Variants in TCF12 observed in about 807,000 individuals in gnomAD.
The protein encoded by TCF12 is DNA-binding protein HTF4.
Under a neutral mutation model 86.0 loss-of-function variants are expected in TCF12, and 45 were observed. That is an observed-to-expected ratio of 0.52 (90% CI 0.41 to 0.67). The LOEUF is 0.67. Among genes scored for constraint, TCF12 ranks in the 30% least tolerant of loss-of-function variants. TCF12 has a pLI of 0.00. For missense variants in TCF12, 881 were observed against 859.9 expected, an observed-to-expected ratio of 1.02 and a Z score of -0.31; for synonymous variants, 330 against 299.6, an observed-to-expected ratio of 1.10 and a Z score of -1.05.
At chr15:57,014,644 A>G (rs563469475) in intron 3 of TCF12, among the ~76,000 whole-genome samples, 4 of 152,258 alleles carry the variant, frequency 2.6e-5, no homozygotes, top group Non-Finnish European at 4.4e-5. Flanking sequence ...GCCACAGGCC[A>G]GCCTGCTAGG....
chr15:57,045,482 C>T (rs2067172301), intron 3 of TCF12, among the ~76,000 whole-genome samples: 2 of 152,036 alleles, frequency 1.3e-5, no homozygotes, highest in African/African-American at 2.4e-5. Context: ...GTAATATCTT[C>T]TGTATCACTT....
At chr15:57,123,524 CTTTTTTT>C (rs1596651224) in intron 5 of TCF12, among the ~76,000 whole-genome samples, 1 of 144,128 alleles carries the variant, frequency 6.9e-6, no homozygotes, top group African/African-American at 2.5e-5. Flanking sequence ...TTTTTTTTTT[CTTTTTTT>C]AAGACAGGAT....
chr15:57,064,157 C>T (rs2068671707), intron 4 of TCF12, among the ~76,000 whole-genome samples: 1 of 152,128 alleles, frequency 6.6e-6, no homozygotes, highest in Non-Finnish European at 1.5e-5. Context: ...ATGGCATTGG[C>T]TTTCAACATA....
At chr15:56,951,425 C>T (rs1480299085) in intron 3 of TCF12, among the ~76,000 whole-genome samples, 1 of 151,800 alleles carries the variant, frequency 6.6e-6, no homozygotes, top group African/African-American at 2.4e-5. Flanking sequence ...TTTGAGATTT[C>T]TTTATGTATT....
chr15:56,964,126 T>C (rs1418621398), intron 3 of TCF12, among the ~76,000 whole-genome samples: 1 of 152,206 alleles, frequency 6.6e-6, no homozygotes, highest in African/African-American at 2.4e-5. Flanking sequence ...GAACTTTTAT[T>C]TGTATGAGGT....
chr15:57,252,116 G>A (rs1221701636), intron 14 of TCF12: 2 of 262,050 alleles, frequency 7.6e-6, no homozygotes, highest in Admixed American at 5.2e-5. Flanking sequence ...GCTCTTATTC[G>A]TAATTCCAGG....
At chr15:57,180,995 T>A (rs1394174589) in intron 6 of TCF12, among the ~76,000 whole-genome samples, 1 of 151,658 alleles carries the variant, frequency 6.6e-6, no homozygotes, top group African/African-American at 2.4e-5. Context: ...TTTGTATTTT[T>A]AGTGGAGACA....
intron 8 of TCF12, among the ~76,000 whole-genome samples, chr15:57,220,744 T>C (rs1472027051): frequency 6.6e-6 from 1 of 152,138 alleles, no homozygotes; most frequent in Admixed American, 6.5e-5. Flanking sequence ...GAGCTATCTT[T>C]GTAAGATACT....
At chr15:57,251,079 A>T (rs1391308908) in intron 13 of TCF12, 2 of 335,288 alleles carry the variant, frequency 6.0e-6, no homozygotes, top group African/African-American at 2.1e-5. Flanking sequence ...AGGCATGTGG[A>T]CTAAGTCTAA....
intron 16 of TCF12, among the ~76,000 whole-genome samples, chr15:57,258,934 T>C (rs1458610133): frequency 6.6e-6 from 1 of 152,176 alleles, no homozygotes; most frequent in East Asian, 1.9e-4. Context: ...ATCATTTTAA[T>C]CTTCCATTTG....
rs557144758 is a variant in TCF12 at position 57,135,739 on chromosome 15, G to C, written c.326-30663G>C. Among the ~76,000 whole-genome samples, 49 of 152,214 alleles carry C rather than the reference G, an allele frequency of 3.2e-4. No individual in the cohort carries two copies. The Middle Eastern group carries it at 0.01, about 32-fold the overall frequency. On this transcript the variant is annotated intron_variant, in intron 5 of 20. Transcript: ENST00000333725. ...CCAAGCAGTAATAAAGTTGCTGACT[G>C]TTGGCTTCTTGGTTTTATATGTATC...
In TCF12 at chr15:57,287,036, A is replaced by G. The variant is rs1286203870; in HGVS notation, c.*891A>G. 1.7e-5 allele frequency: 3 copies of G among 175,560 alleles called. No individual in the cohort carries two copies. Among genetic ancestry groups the G allele is most frequent in the East Asian group, 1.5e-4 (1 of 6,684 alleles). 10.9% of individuals were successfully genotyped at this position (175,560 alleles called of 1,614,324 possible). ...TTCTAATAATAACCAAGACTTTTCA[A>G]GCTTCTAGATCTCATAGGAAAGCTT... is the stretch of plus-strand genomic sequence containing the variant. On this transcript the variant is annotated 3_prime_UTR_variant, in exon 21 of 21. Transcript: ENST00000333725.
At chr15:57,234,014 C>A in intron 11 of TCF12, 29 bp from the exon 12 acceptor site, 3 of 1,595,402 alleles carry the variant, frequency 1.9e-6, no homozygotes, top group South Asian at 1.1e-5. Flanking sequence ...TTGTAAAATT[C>A]TTGATTTATT....
chr15:57,126,226 G>A (rs1415932938), intron 5 of TCF12, among the ~76,000 whole-genome samples: 2 of 152,112 alleles, frequency 1.3e-5, no homozygotes, highest in African/African-American at 2.4e-5. Flanking sequence ...GGTTGACAGA[G>A]TGAGACCCCA....
At chr15:56,950,083 A>G (rs1222658130) in intron 3 of TCF12, among the ~76,000 whole-genome samples, 5 of 152,206 alleles carry the variant, frequency 3.3e-5, no homozygotes, top group African/African-American at 4.8e-5. Context: ...TTGAATGTAT[A>G]CATCATTCTC....
At chr15:57,093,269 A>G (rs1453297212) in intron 5 of TCF12, among the ~76,000 whole-genome samples, 1 of 152,246 alleles carries the variant, frequency 6.6e-6, no homozygotes, top group East Asian at 1.9e-4. Flanking sequence ...TTGCCATCAA[A>G]GTAAAATCGA....
intron 20 of TCF12, among the ~76,000 whole-genome samples, chr15:57,283,497 T>A (rs2061791217): frequency 6.6e-6 from 1 of 152,158 alleles, no homozygotes; most frequent in Admixed American, 6.5e-5. Flanking sequence ...ACTCCTAACC[T>A]CAGGTGATCC....
intron 5 of TCF12, among the ~76,000 whole-genome samples, chr15:57,131,086 G>T (rs1415586508): frequency 6.6e-6 from 1 of 152,088 alleles, no homozygotes; most frequent in African/African-American, 2.4e-5. Flanking sequence ...CTGTTAATAA[G>T]ATATTTCCTG....
chr15:57,107,163 A>C (rs1401967284), intron 5 of TCF12, among the ~76,000 whole-genome samples: 1 of 152,188 alleles, frequency 6.6e-6, no homozygotes, highest in East Asian at 1.9e-4. Context: ...GGAAACCACC[A>C]AGATGTCCTT....
Sources: allele counts gnomAD v4.1 joint callset (sites outside exome capture counted in the v4.1 genomes callset), GRCh38; gene constraint gnomAD v4.1.1; transcripts MANE v1.5; gene names NCBI Gene and HGNC (gene_info 2026-07-23, HGNC 2026-07-21).